Variants in NAV3 observed in about 807,000 individuals in gnomAD.
NAV3 encodes neuron navigator 3.
A neutral mutation model predicts 244.7 loss-of-function variants in NAV3; 87 were observed. The ratio of observed to expected loss-of-function variants is 0.36; its 90% CI spans 0.30 to 0.42. NAV3 has a LOEUF of 0.42. Among genes scored for constraint, NAV3 ranks in the 20% least tolerant of loss-of-function variants. The probability of loss-of-function intolerance (pLI) is 1.00; values close to 1 mark genes in which losing one functional copy is unlikely to be tolerated. For synonymous variants in NAV3, 1,126 were observed against 1,042.2 expected, an observed-to-expected ratio of 1.08 and a Z score of -1.55; for missense variants, 2,663 against 2,893.3, an observed-to-expected ratio of 0.92 and a Z score of 1.83.
At chr12:78,018,520 C>A (rs1876612180) in intron 8 of NAV3, among the ~76,000 whole-genome samples, 1 of 152,190 alleles carries the variant, frequency 6.6e-6, no homozygotes, top group African/African-American at 2.4e-5. Context: ...CTAACATGGC[C>A]AGAAACATTC....
intron 2 of NAV3, among the ~76,000 whole-genome samples, chr12:77,722,311 GA>G (rs1876675093): frequency 6.6e-6 from 1 of 152,018 alleles, no homozygotes; most frequent in Non-Finnish European, 1.5e-5. Flanking sequence ...AGGAAAAGAT[GA>G]ATTCAGGGTT....
At chr12:77,838,295 C>T (rs115544997) in intron 1 of NAV3, among the ~76,000 whole-genome samples, 3,080 of 152,242 alleles carry the variant, frequency 0.02, 100 homozygotes, top group African/African-American at 0.063. Flanking sequence ...GAAGGCTCAG[C>T]TTTTCATTAT....
chr12:77,995,570 A>T (rs1436768118), intron 6 of NAV3, among the ~76,000 whole-genome samples: 4 of 152,132 alleles, frequency 2.6e-5, no homozygotes, highest in African/African-American at 9.7e-5. Flanking sequence ...GTGTCATCTC[A>T]CTCACTGGGG....
intron 22 of NAV3, among the ~76,000 whole-genome samples, chr12:78,154,067 A>ATATT (rs1295519890): frequency 6.8e-6 from 1 of 147,114 alleles, no homozygotes; most frequent in East Asian, 2.0e-4. Context: ...AATATACTAT[A>ATATT]TATTTATACA....
intron 23 of NAV3, among the ~76,000 whole-genome samples, chr12:78,162,921 T>TATATATATATAAATATATATATTATATA (rs1565744375): frequency 1.8e-4 from 23 of 129,434 alleles, no homozygotes; most frequent in African/African-American, 5.0e-4. Flanking sequence ...TATTATATAA[T>TATATATATATAAATATATATATTATATA]ATATATATAA....
chr12:78,158,707 C>T (rs914543417), intron 22 of NAV3, among the ~76,000 whole-genome samples: 25 of 140,684 alleles, frequency 1.8e-4, no homozygotes, highest in Admixed American at 1.4e-3. Flanking sequence ...AGATAATGTT[C>T]TAGCTGTCAG....
intron 3 of NAV3, among the ~76,000 whole-genome samples, chr12:77,943,521 C>G (rs1191464857): frequency 6.6e-6 from 1 of 152,060 alleles, no homozygotes; most frequent in East Asian, 1.9e-4. Context: ...TTATTTTTGC[C>G]TCTGTTCTTA....
chr12:77,890,401 C>T (rs1027035702), intron 1 of NAV3, among the ~76,000 whole-genome samples: 2 of 152,172 alleles, frequency 1.3e-5, no homozygotes, highest in Non-Finnish European at 2.9e-5. Context: ...CAGGCATGAA[C>T]CACTGTACCA....
intron 2 of NAV3, among the ~76,000 whole-genome samples, chr12:77,748,834 T>C (rs1868692131): frequency 6.6e-6 from 1 of 152,300 alleles, no homozygotes; most frequent in Non-Finnish European, 1.5e-5. Context: ...TGATATTGTA[T>C]TGTGTGTTTG....
At chr12:77,869,145 G>A (rs1452253508) in intron 1 of NAV3, among the ~76,000 whole-genome samples, 1 of 152,132 alleles carries the variant, frequency 6.6e-6, no homozygotes, top group Non-Finnish European at 1.5e-5. Context: ...TGGAAAGAAA[G>A]CTGGGCTATA....
At chr12:77,695,294 A>T (rs558668838) in intron 2 of NAV3, among the ~76,000 whole-genome samples, 1 of 152,242 alleles carries the variant, frequency 6.6e-6, no homozygotes, top group African/African-American at 2.4e-5. Context: ...TCTTAGATTT[A>T]AATCTTTAAT....
chr12:77,739,110 C>T (rs1385795797), intron 2 of NAV3, among the ~76,000 whole-genome samples: 1 of 148,718 alleles, frequency 6.7e-6, no homozygotes, highest in Non-Finnish European at 1.5e-5. Flanking sequence ...TGATTTGAGG[C>T]AAGGAATTAG....
chr12:77,692,919 TG>T (rs1490236253), intron 2 of NAV3, among the ~76,000 whole-genome samples: 1 of 152,134 alleles, frequency 6.6e-6, no homozygotes, highest in Non-Finnish European at 1.5e-5. Context: ...TGACCCAATA[TG>T]GGAGATCAGT....
At chr12:77,668,314 T>C (rs1055520909) in intron 2 of NAV3, among the ~76,000 whole-genome samples, 28 of 152,268 alleles carry the variant, frequency 1.8e-4, no homozygotes, top group African/African-American at 6.3e-4. Context: ...AGAATTCAGA[T>C]GGTCGACTAT....
At position 77,796,912 on chromosome 12, in the gene NAV3, G is replaced by A. The variant is rs138759828; in HGVS notation, c.73-143407G>A. Among the ~76,000 whole-genome samples, 5 of 151,736 alleles carry A rather than the reference G, an allele frequency of 3.3e-5. No individual in the cohort carries two copies. The East Asian group carries it at 7.7e-4, about 24-fold the overall frequency. ...TACAGTGTAAAAATGACTTTTACAT[G>A]TACTGGGAAACCAACAAGTTTGTGT... On this transcript the variant is annotated intron_variant, in intron 2 of 8. Coordinates refer to the NAV3 transcript ENST00000550042.
At chr12:78,047,880 A>G (rs769149248) in intron 9 of NAV3, among the ~76,000 whole-genome samples, 2 of 152,072 alleles carry the variant, frequency 1.3e-5, no homozygotes. Context: ...ACATAGTCCC[A>G]TATTTCTTGG....
chr12:78,128,897 T>C (rs1371598209), intron 18 of NAV3, 31 bp downstream of exon 18: 2 of 1,601,380 alleles, frequency 1.2e-6, no homozygotes, highest in African/African-American at 2.7e-5. Context: ...GATTTTGTTT[T>C]GTTTCTTTCA....
chr12:77,579,800 T>C (rs1869266226), intron 2 of NAV3, among the ~76,000 whole-genome samples: 1 of 152,184 alleles, frequency 6.6e-6, no homozygotes, highest in South Asian at 2.1e-4. Flanking sequence ...AGCAAAGAGT[T>C]AAAAGCACAG....
intron 2 of NAV3, among the ~76,000 whole-genome samples, chr12:77,670,128 A>G (rs1029526695): frequency 1.4e-4 from 22 of 152,276 alleles, no homozygotes; most frequent in African/African-American, 5.3e-4. Context: ...AATTGATACC[A>G]CAGAAATACA....
Sources: gnomAD v4.1 joint callset for allele counts (sites outside exome capture counted in the v4.1 genomes callset) on GRCh38, gnomAD v4.1.1 for gene constraint, MANE v1.5 for transcripts, NCBI Gene and HGNC (gene_info 2026-07-23, HGNC 2026-07-21) for gene names.